The following SCYL3 variants were observed in gnomAD, a reference collection of about 807,000 sequenced individuals.
SCYL3 encodes protein-associating with the carboxyl-terminal domain of ezrin.
SCYL3 carries 35 observed loss-of-function variants against 73.8 expected under a neutral mutation model. The ratio of observed to expected loss-of-function variants is 0.47; its 90% confidence interval spans 0.36 to 0.63. SCYL3 has a LOEUF of 0.63. Among genes scored for constraint, SCYL3 ranks in the 20% least tolerant of loss-of-function variants. The probability of loss-of-function intolerance (pLI) is 0.00; values close to 1 mark genes in which losing one functional copy is unlikely to be tolerated. For missense variants in SCYL3, 712 were observed against 798.9 expected, an observed-to-expected ratio of 0.89 and a Z score of 1.31; for synonymous variants, 277 against 295.2, an observed-to-expected ratio of 0.94 and a Z score of 0.63.
In SCYL3 at chr1:169,852,162, C is replaced by T; in HGVS notation, c.*1551G>A. 1 of 588,918 alleles carries T rather than the reference C, an allele frequency of 1.7e-6. No homozygotes were observed. Among genetic ancestry groups the T allele is most frequent in the Non-Finnish European group, 3.0e-6 (1 of 338,220 alleles). The allele number at this position is 588,918 out of a possible 1,614,324, so 36.5% of individuals were successfully genotyped here. On this transcript the variant is annotated 3_prime_UTR_variant, in exon 13 of 13. Transcript: ENST00000367771. ...AGTATGTTTGAATTATTGGTAGTAACCTTTAAGGGAAGTTACATATTGTAC... is the reference window on the plus strand; with the variant it reads ...AGTATGTTTGAATTATTGGTAGTAATCTTTAAGGGAAGTTACATATTGTAC...
At chr1:169,871,413 T>A (rs1463012351) in intron 5 of SCYL3, among the ~76,000 whole-genome samples, 1 of 152,220 alleles carries the variant, frequency 6.6e-6, no homozygotes, top group East Asian at 1.9e-4. Context: ...GACGTGCCTT[T>A]TGCCTTCTGC....
chr1:169,859,599 T>C (rs924416747), intron 10 of SCYL3, among the ~76,000 whole-genome samples: 5 of 152,212 alleles, frequency 3.3e-5, no homozygotes, highest in African/African-American at 9.6e-5. Flanking sequence ...TCATCTAGGG[T>C]ACTAACAGTT....
At position 169,850,504 on chromosome 1, in the gene SCYL3, T is replaced by C; in HGVS notation, c.*3209A>G. 1 of 566,598 alleles carries C rather than the reference T, an allele frequency of 1.8e-6. No individual in the cohort carries two copies. The highest frequency in any genetic ancestry group is 2.3e-5 in the South Asian group (1 of 42,556). 35.1% of individuals were successfully genotyped at this position (566,598 alleles called of 1,614,324 possible). ...TACTAAGCAATTGAGGCCACAGAAG[T>C]AAAACACTTGGGGCCAGGCGCGGCG... On this transcript the variant is annotated 3_prime_UTR_variant, in exon 13 of 13. Coordinates refer to ENST00000367771, the MANE Select transcript of SCYL3 (RefSeq NM_020423.7).
chr1:169,866,783 C>A, intron 8 of SCYL3, 113 bp downstream of exon 8: 2 of 675,234 alleles, frequency 3.0e-6, no homozygotes, highest in Non-Finnish European at 5.2e-6. Context: ...AGGAAATGTT[C>A]AATAAATGTG....
At chr1:169,865,850 TCTC>T (rs1232173781) in intron 8 of SCYL3, among the ~76,000 whole-genome samples, 1 of 151,992 alleles carries the variant, frequency 6.6e-6, no homozygotes, top group Non-Finnish European at 1.5e-5. Flanking sequence ...GCTCTCTGAG[TCTC>T]CTCTAACCCC....
Position 169,862,807 on chromosome 1 carries a change from A to G in SCYL3, c.956-10T>C. The G allele has an allele frequency of 1.9e-6, 3 of 1,612,296 alleles. No homozygotes were observed. Among genetic ancestry groups the G allele is most frequent in the Non-Finnish European group, 2.5e-6 (3 of 1,178,690 alleles). On this transcript the variant is annotated splice_polypyrimidine_tract_variant and intron_variant, in intron 9 of 12. Coordinates refer to ENST00000367771, the MANE Select transcript of SCYL3 (RefSeq NM_020423.7). ...TCTCCCTGCGCATGATCTACCCGAA[A>G]AATCAAAGGTTACAGATGAAAAAAC...
In SCYL3 at chr1:169,855,095, A is replaced by G. The variant is rs944239345; in HGVS notation, c.1313-131T>C. On this transcript the variant is annotated intron_variant, in intron 11 of 12. Coordinates refer to ENST00000367771, the MANE Select transcript of SCYL3 (RefSeq NM_020423.7). ...GGAAATATCCATGCATACTAAACAA[A>G]AGAGATCCCAGCAGAACATTACTCA... 2.2e-5 allele frequency: 14 copies of G among 625,154 alleles called. No individual in the cohort carries two copies. In the African/African-American group the frequency reaches 2.4e-4, roughly 11 times the overall value. 38.7% of individuals were successfully genotyped at this position (625,154 alleles called of 1,614,324 possible).
chr1:169,853,696 T>TTAAC lies in SCYL3; in HGVS notation c.*13_*16dup, dbSNP rs762719527. 2 of 1,612,364 alleles carry TTAAC rather than the reference T, an allele frequency of 1.2e-6. No homozygotes were observed. Among genetic ancestry groups the TTAAC allele is most frequent in the East Asian group, 4.5e-5 (2 of 44,856 alleles). On this transcript the variant is annotated 3_prime_UTR_variant, in exon 13 of 13. Coordinates refer to ENST00000367771, the MANE Select transcript of SCYL3 (RefSeq NM_020423.7). ...AAAAGGGAATCCTTTTTCCTAAAGT[T>TTAAC]TAACTCACATCTATTGTCACCAGTT...
chr1:169,877,193 T>G (rs751891026), intron 3 of SCYL3, among the ~76,000 whole-genome samples: 11 of 152,212 alleles, frequency 7.2e-5, no homozygotes, highest in Non-Finnish European at 1.3e-4. Flanking sequence ...AGGGTCTCTG[T>G]TGCCCCAGCT....
intron 11 of SCYL3, among the ~76,000 whole-genome samples, chr1:169,858,797 A>G (rs1284346838): frequency 6.6e-6 from 1 of 152,090 alleles, no homozygotes; most frequent in Non-Finnish European, 1.5e-5. Context: ...AAATGTCCTT[A>G]TGTGGTACAT....
At chr1:169,873,859 A>T in intron 4 of SCYL3, 107 bp from the exon 5 acceptor site, 1 of 720,222 alleles carries the variant, frequency 1.4e-6, no homozygotes, top group Non-Finnish European at 2.4e-6. Context: ...GCACCAATTA[A>T]ACCTTCAAAT....
chr1:169,854,736 G>C lies in SCYL3; in HGVS notation c.1541C>G (p.Ser514Ter). ...GCTGGGCTCGCAGTCATCCCAAGAT[G>C]ACTCTTCCACATCCAAGGTAGTGCA... ...SQCTTLDVEESSWDDCEPSSL... is the reference protein window; with the variant it reads ...SQCTTLDVEE The change falls in exon 12 of 13, where the codon TCA becomes TGA. Residue 514 changes from serine to a stop codon, truncating the protein, a stop_gained. Transcript: ENST00000367771. LOFTEE classifies it high-confidence loss of function. 6.2e-7 allele frequency: 1 copy of C among 1,613,998 alleles called. No individual in the cohort carries two copies. Among genetic ancestry groups the C allele is most frequent in the Non-Finnish European group, 8.5e-7 (1 of 1,179,932 alleles).
At chr1:169,874,635 CTT>C (rs1660665524) in intron 4 of SCYL3, among the ~76,000 whole-genome samples, 1 of 152,140 alleles carries the variant, frequency 6.6e-6, no homozygotes, top group African/African-American at 2.4e-5. Flanking sequence ...CTCAAGAACT[CTT>C]GAGTGAGGCC....
chr1:169,864,911 A>G (rs1416636642), intron 8 of SCYL3, among the ~76,000 whole-genome samples: 1 of 151,444 alleles, frequency 6.6e-6, no homozygotes, highest in East Asian at 1.9e-4. Flanking sequence ...CAGAGGTTGC[A>G]GTGAGCTGAG....
chr1:169,870,723 A>G (rs1348211231), intron 5 of SCYL3, among the ~76,000 whole-genome samples: 1 of 152,080 alleles, frequency 6.6e-6, no homozygotes, highest in Non-Finnish European at 1.5e-5. Flanking sequence ...TAGCCTTACT[A>G]TCTAAGATGC....
At position 169,852,086 on chromosome 1, in the gene SCYL3, T is replaced by A; in HGVS notation, c.*1627A>T. On this transcript the variant is annotated 3_prime_UTR_variant, in exon 13 of 13. Coordinates refer to ENST00000367771, the MANE Select transcript of SCYL3 (RefSeq NM_020423.7). ...CATGTAAAATTCTGTTTTATGGTAG[T>A]TGCTTTTAAAATTAAGAAGTGGGAC... 5 of 1,093,834 alleles carry A rather than the reference T, an allele frequency of 4.6e-6. No individual in the cohort carries two copies. Among genetic ancestry groups the A allele is most frequent in the African/African-American group, 1.6e-5 (1 of 63,754 alleles). The allele number at this position is 1,093,834 out of a possible 1,614,324, so 67.8% of individuals were successfully genotyped here.
intron 2 of SCYL3, among the ~76,000 whole-genome samples, chr1:169,881,808 C>A (rs953342503): frequency 3.9e-5 from 6 of 152,164 alleles, no homozygotes; most frequent in African/African-American, 1.4e-4. Context: ...GGGATTATTT[C>A]GGGATGAGAC....
intron 2 of SCYL3, among the ~76,000 whole-genome samples, chr1:169,879,054 G>A (rs1351355647): frequency 6.6e-6 from 1 of 152,080 alleles, no homozygotes; most frequent in Non-Finnish European, 1.5e-5. Context: ...TTCCATCATT[G>A]TAGTGTAAGC....
rs1372092694 is a variant in SCYL3, at chr1:169,854,662, G to C, written c.1615C>G (p.Pro539Ala). The stretch of plus-strand genomic sequence containing the variant: ...GGCTTCTGCTCCCCTGAGGTAACAG[G>C]TTTTGTAGCAGTGATTCCACCTCCT... ...NPGGGITATKPVTSGEQKPIP... is the reference protein window; with the variant it reads ...NPGGGITATKAVTSGEQKPIP... Residue 539 changes from proline to alanine, a missense_variant, in exon 12 of 13, where the codon CCT becomes GCT. Coordinates refer to ENST00000367771, the MANE Select transcript of SCYL3 (RefSeq NM_020423.7). 1 of 1,614,004 alleles carries C rather than the reference G, an allele frequency of 6.2e-7. No individual in the cohort carries two copies. Among genetic ancestry groups the C allele is most frequent in the Admixed American group, 1.7e-5 (1 of 59,994 alleles).
Sources: gnomAD v4.1 joint callset for allele counts (sites outside exome capture counted in the v4.1 genomes callset) on GRCh38, gnomAD v4.1.1 for gene constraint, MANE v1.5 for transcripts, NCBI Gene and HGNC (gene_info 2026-07-23, HGNC 2026-07-21) for gene names.